Variants in FRMD6 observed in about 807,000 individuals in gnomAD.
FRMD6 encodes the protein FERM domain containing 6, also known as FERM domain-containing protein 6.
FRMD6 carries 37 observed loss-of-function variants against 73.2 expected under a neutral mutation model. The ratio of observed to expected loss-of-function variants is 0.51; its 90% CI spans 0.39 to 0.66. The LOEUF (loss-of-function observed/expected upper bound fraction) is 0.66, where lower values mean the gene tolerates loss of function less well. Ranked by LOEUF, FRMD6 falls within the 30% of genes least tolerant of loss-of-function variation. FRMD6 has a pLI of 0.00. For synonymous variants in FRMD6, 273 were observed against 282.2 expected (o/e 0.97, Z 0.33); for missense variants, 714 against 780.5 (o/e 0.91, Z 1.02).
At chr14:51,714,737 A>G (rs922648316) in intron 9 of FRMD6, 1 of 152,150 alleles carries the variant, frequency 6.6e-6, no homozygotes, top group Admixed American at 6.5e-5. Flanking sequence ...ATTGTTCACT[A>G]TATAACTCCT....
chr14:51,454,808 G>C, the FRMD6 span: 1 of 146,648 alleles, frequency 6.8e-6, no homozygotes. Context: ...CATTCCCTTT[G>C]TTAGGTCCTA....
At chr14:51,477,708 T>G in the FRMD6 span, among the ~76,000 whole-genome samples, 7 of 141,086 alleles carry the variant, frequency 5.0e-5, no homozygotes, top group Admixed American at 5.9e-4. Context: ...CTTTTCTTTT[T>G]CTTTTCTTTC....
At chr14:51,619,713 A>C (rs780752196) in intron 2 of FRMD6, among the ~76,000 whole-genome samples, 1 of 152,300 alleles carries the variant, frequency 6.6e-6, no homozygotes, top group East Asian at 1.9e-4. Flanking sequence ...TGTGCCTTCT[A>C]GCAGCTCGTC....
intron 10 of FRMD6, 70 bp downstream of exon 10, chr14:51,715,569 G>A (rs1035274618): frequency 7.7e-7 from 1 of 1,304,140 alleles, no homozygotes; most frequent in Non-Finnish European, 1.0e-6. Flanking sequence ...TCTGAATGGG[G>A]GTTTTGAGCT....
At chr14:51,656,645 C>G (rs568474197) in intron 1 of FRMD6, among the ~76,000 whole-genome samples, 28 of 152,266 alleles carry the variant, frequency 1.8e-4, no homozygotes, top group Admixed American at 1.8e-3. Flanking sequence ...AACTCCTGAC[C>G]TTGTGATCTG....
chr14:51,448,303 C>T, the FRMD6 span, among the ~76,000 whole-genome samples: 7 of 152,234 alleles, frequency 4.6e-5, no homozygotes, highest in Non-Finnish European at 1.0e-4. Flanking sequence ...ATTTCCATTG[C>T]TTTATCTGTC....
At chr14:51,671,046 G>C (rs1893972572) in intron 1 of FRMD6, among the ~76,000 whole-genome samples, 1 of 152,158 alleles carries the variant, frequency 6.6e-6, no homozygotes, top group South Asian at 2.1e-4. Context: ...CTTTTGTGGT[G>C]AGTAACATTG....
At chr14:51,681,846 C>T (rs1378367612) in intron 1 of FRMD6, among the ~76,000 whole-genome samples, 1 of 152,154 alleles carries the variant, frequency 6.6e-6, no homozygotes, top group Non-Finnish European at 1.5e-5. Context: ...GCTATGATTA[C>T]ACTGTTTACT....
chr14:51,556,014 C>A (rs1387887057), intron 1 of FRMD6, among the ~76,000 whole-genome samples: 1 of 152,140 alleles, frequency 6.6e-6, no homozygotes, highest in African/African-American at 2.4e-5. Flanking sequence ...GTCATTTGTA[C>A]CTACCTCAGC....
intron 1 of FRMD6, among the ~76,000 whole-genome samples, chr14:51,499,166 A>T (rs542621565): frequency 2.0e-4 from 31 of 152,286 alleles, no homozygotes; most frequent in Admixed American, 7.2e-4. Flanking sequence ...CAATAAACAC[A>T]TGTTTCTTGA....
intron 2 of FRMD6, among the ~76,000 whole-genome samples, chr14:51,622,714 GC>G (rs2139931766): frequency 6.6e-6 from 1 of 152,206 alleles, no homozygotes; most frequent in Admixed American, 6.5e-5. Flanking sequence ...CCCAAACCAA[GC>G]TTTTGGGAGT....
chr14:51,540,478 G>A (rs555944689), intron 1 of FRMD6, among the ~76,000 whole-genome samples: 10 of 152,208 alleles, frequency 6.6e-5, no homozygotes, highest in African/African-American at 2.4e-4. Context: ...GATAGGGGCC[G>A]TGCTGTTTTG....
At chr14:51,579,680 T>C (rs1888603788) in intron 2 of FRMD6, among the ~76,000 whole-genome samples, 1 of 152,196 alleles carries the variant, frequency 6.6e-6, no homozygotes, top group Admixed American at 6.5e-5. Context: ...GGTGCTATGA[T>C]TCTCTGGTCC....
At chr14:51,599,067 T>C (rs1889884249) in intron 2 of FRMD6, among the ~76,000 whole-genome samples, 1 of 138,898 alleles carries the variant, frequency 7.2e-6, no homozygotes, top group African/African-American at 3.1e-5. Flanking sequence ...TCTTTTTTTT[T>C]TTTTTTTTTT....
At chr14:51,601,963 C>CCTTATAATACCAAA (rs1890055064) in intron 2 of FRMD6, among the ~76,000 whole-genome samples, 1 of 152,170 alleles carries the variant, frequency 6.6e-6, no homozygotes, top group East Asian at 1.9e-4. Context: ...TCATCTTAGC[C>CCTTATAATACCAAA]TACTTGGCAA....
At chr14:51,426,856 G>A in the FRMD6 span, among the ~76,000 whole-genome samples, 8 of 152,110 alleles carry the variant, frequency 5.3e-5, no homozygotes, top group African/African-American at 1.9e-4. Flanking sequence ...AATGGGATGG[G>A]GCCTGATCCC....
the FRMD6 span, among the ~76,000 whole-genome samples, chr14:51,433,570 C>T: frequency 6.6e-6 from 1 of 152,076 alleles, no homozygotes; most frequent in African/African-American, 2.4e-5. Context: ...GCTTCACTAA[C>T]GGAACGTGTT....
chr14:51,445,972 C>G, the FRMD6 span, among the ~76,000 whole-genome samples: 1 of 152,184 alleles, frequency 6.6e-6, no homozygotes, highest in Non-Finnish European at 1.5e-5. Flanking sequence ...ACATCACTAT[C>G]TCCGTTTCAC....
intron 2 of FRMD6, among the ~76,000 whole-genome samples, chr14:51,627,973 C>T (rs1891179123): frequency 6.6e-6 from 1 of 152,186 alleles, no homozygotes; most frequent in Non-Finnish European, 1.5e-5. Context: ...TATTTTCAAT[C>T]ATCACTAGAT....
Sources: allele counts gnomAD v4.1 joint callset (sites outside exome capture counted in the v4.1 genomes callset), GRCh38; gene constraint gnomAD v4.1.1; transcripts MANE v1.5; gene names NCBI Gene and HGNC (gene_info 2026-07-23, HGNC 2026-07-21).